Variants in TTC21B observed in about 807,000 individuals in gnomAD.
TTC21B encodes tetratricopeptide repeat protein 21B.
TTC21B carries 127 observed loss-of-function variants against 175.1 expected under a neutral mutation model. The observed-to-expected ratio is 0.73, with a 90% CI of 0.63 to 0.84. The LOEUF is 0.84. Among genes scored for constraint, TTC21B ranks in the 40% least tolerant of loss-of-function variants. The pLI is 0.00. For synonymous variants in TTC21B, 524 were observed against 524.5 expected, an observed-to-expected ratio of 1.00 and a Z score of 0.01; for missense variants, 1,561 against 1,558.3, an observed-to-expected ratio of 1.00 and a Z score of -0.03.
At chr2:165,933,262 T>C (rs1686979901) in intron 6 of TTC21B, among the ~76,000 whole-genome samples, 3 of 152,204 alleles carry the variant, frequency 2.0e-5, no homozygotes, top group Admixed American at 1.3e-4. Flanking sequence ...TTAATATGTT[T>C]TTAAAAGATA....
rs893528823 is a variant in TTC21B at position 165,907,707 on chromosome 2, G to C, written c.2539C>G (p.Leu847Val). The change falls in exon 19 of 29, where the codon CTT (leucine) becomes GTT (valine). Residue 847 changes from leucine to valine, a missense_variant. By Grantham distance (32) the Leu-to-Val change is conservative. Coordinates refer to ENST00000243344, the MANE Select transcript of TTC21B (RefSeq NM_024753.5). ...LAKVYSKMEK[L>V]GDAITALQQA... is the part of the protein sequence containing the mutation. ...TGTAATGCAGTGATCGCATCACCAAGTTTTTCCATTTTACTATAAACTTTT... is the reference window on the plus strand; with the variant it reads ...TGTAATGCAGTGATCGCATCACCAACTTTTTCCATTTTACTATAAACTTTT... 1 of 1,612,654 alleles carries C rather than the reference G, an allele frequency of 6.2e-7. No individual in the cohort carries two copies. The highest frequency in any genetic ancestry group is 8.5e-7 in the Non-Finnish European group (1 of 1,179,492).
chr2:165,901,937 TAAAA>T (rs79777167), intron 19 of TTC21B, 27 bp from the exon 20 acceptor site: 5 of 1,285,166 alleles, frequency 3.9e-6, no homozygotes, highest in Admixed American at 2.1e-5. Context: ...TAAAAGGGAA[TAAAA>T]AAAAAAAAGG....
Position 165,919,431 on chromosome 2 carries a change from C to T in TTC21B, c.1519G>A (p.Asp507Asn). 6.2e-7 allele frequency: 1 copy of T among 1,613,846 alleles called. No individual in the cohort carries two copies. The highest frequency in any genetic ancestry group is 8.5e-7 in the Non-Finnish European group (1 of 1,179,824). ...AGGTTATTGAAAGCTGCTTCAATATCACCTAATAAGAAAAACAATGCATTG... is the reference window on the plus strand; with the variant it reads ...AGGTTATTGAAAGCTGCTTCAATATTACCTAATAAGAAAAACAATGCATTG... ...LIAKVKYLSG[D>N]IEAAFNNLQH... Residue 507 changes from aspartate (D) to asparagine (N), a missense_variant and splice_region_variant, in exon 13 of 29, where the codon GAT (aspartate) becomes AAT (asparagine). Coordinates refer to ENST00000243344, the MANE Select transcript of TTC21B (RefSeq NM_024753.5).
chr2:165,918,496 T>C lies in TTC21B; in HGVS notation c.1674+780A>G, dbSNP rs200760642. ...ATTTTTAGTAGCGACGGGTTTTCAC[T>C]GTGTTAGCCAGGATGGTCTCGATCT... On this transcript the variant is annotated intron_variant, in intron 13 of 28. Transcript: ENST00000243344. Among the ~76,000 whole-genome samples, 16 of 152,066 alleles carry C rather than the reference T, an allele frequency of 1.1e-4. No homozygotes were observed. The East Asian group carries it at 1.4e-3, about 13-fold the overall frequency.
At chr2:165,932,677 TC>T (rs1298991596) in intron 7 of TTC21B, among the ~76,000 whole-genome samples, 1 of 152,082 alleles carries the variant, frequency 6.6e-6, no homozygotes, top group East Asian at 1.9e-4. Flanking sequence ...GTTACATTAA[TC>T]ATATATATTA....
intron 11 of TTC21B, among the ~76,000 whole-genome samples, chr2:165,926,612 T>G (rs1022048467): frequency 6.6e-6 from 1 of 152,114 alleles, no homozygotes; most frequent in Non-Finnish European, 1.5e-5. Context: ...TACTGAAGGA[T>G]GCAAAGTCTT....
intron 1 of TTC21B, among the ~76,000 whole-genome samples, chr2:165,950,070 T>TA (rs769740344): frequency 0.73 from 94,487 of 128,826 alleles, 35,837 homozygotes; most frequent in Non-Finnish European, 0.85. Flanking sequence ...AAACAGGAAC[T>TA]AAAAAAAAAA....
chr2:165,919,219 T>C (rs1405297071), intron 13 of TTC21B, 57 bp downstream of exon 13: 2 of 1,579,254 alleles, frequency 1.3e-6, no homozygotes, highest in African/African-American at 2.7e-5. Context: ...AATACTTGAA[T>C]ATGTAAGCTT....
At chr2:165,896,750 T>C (rs1299532061) in intron 22 of TTC21B, among the ~76,000 whole-genome samples, 1 of 152,242 alleles carries the variant, frequency 6.6e-6, no homozygotes, top group Non-Finnish European at 1.5e-5. Context: ...GGCTTTTGCC[T>C]ACCTAGTTTC....
chr2:165,888,141 G>T, intron 25 of TTC21B, 138 bp downstream of exon 25: 1 of 677,632 alleles, frequency 1.5e-6, no homozygotes, highest in Non-Finnish European at 2.6e-6. Flanking sequence ...CATTGTGTAT[G>T]CCCAACTATA....
intron 27 of TTC21B, among the ~76,000 whole-genome samples, chr2:165,880,457 G>A (rs1034512869): frequency 1.3e-5 from 2 of 152,126 alleles, no homozygotes; most frequent in South Asian, 2.1e-4. Flanking sequence ...TAGACTAGAT[G>A]TACACTAAGT....
rs541682013 is a variant in TTC21B at position 165,890,797 on chromosome 2, GA to G, written c.3101+40del. 1.2e-4 allele frequency: 191 copies of G among 1,578,232 alleles called. 1 individual carries two copies. Among genetic ancestry groups the G allele is most frequent in the African/African-American group, 6.3e-4 (46 of 73,182 alleles). On this transcript the variant is annotated intron_variant, in intron 23 of 28. Coordinates refer to ENST00000243344, the MANE Select transcript of TTC21B (RefSeq NM_024753.5). The stretch of plus-strand genomic sequence containing the variant: ...GCTTATTCTACTTGATTTACAATGA[GA>G]AAAAAAAATCATGTAGCATTTATTT...
At chr2:165,938,599 T>C (rs1322263823) in intron 6 of TTC21B, among the ~76,000 whole-genome samples, 1 of 152,040 alleles carries the variant, frequency 6.6e-6, no homozygotes, top group African/African-American at 2.4e-5. Flanking sequence ...TACTACACCA[T>C]GGCAGACAAA....
chr2:165,951,664 C>T (rs541536381), intron 1 of TTC21B, among the ~76,000 whole-genome samples: 52 of 152,214 alleles, frequency 3.4e-4, no homozygotes, highest in African/African-American at 1.1e-3. Flanking sequence ...TTATTCAATC[C>T]AAAACATTTA....
intron 25 of TTC21B, among the ~76,000 whole-genome samples, chr2:165,884,791 T>C (rs574573385): frequency 1.4e-4 from 22 of 152,324 alleles, no homozygotes; most frequent in African/African-American, 5.3e-4. Context: ...CTAACTTTCA[T>C]AAGCAATAAT....
intron 18 of TTC21B, among the ~76,000 whole-genome samples, chr2:165,909,970 T>TG (rs1266261721): frequency 6.6e-6 from 1 of 152,098 alleles, no homozygotes; most frequent in East Asian, 1.9e-4. Flanking sequence ...GAGGCAAAGA[T>TG]GGGGGCAGGG....
intron 18 of TTC21B, among the ~76,000 whole-genome samples, chr2:165,908,043 AAC>A (rs1685801732): frequency 6.6e-6 from 1 of 152,210 alleles, no homozygotes; most frequent in Non-Finnish European, 1.5e-5. Context: ...ATTAGGAGAT[AAC>A]AATTTAACAC....
rs1451230586 is a variant in TTC21B at position 165,927,319 on chromosome 2, TA to T, written c.1386+1815del. ...TTATATATATATATTATATATTATA[TA>T]ATATATATATAATATATAATATATA... On this transcript the variant is annotated intron_variant, in intron 11 of 28. Transcript: ENST00000243344. Among the ~76,000 whole-genome samples, 385 of 56,450 alleles carry T rather than the reference TA, an allele frequency of 6.8e-3. 22 individuals carry two copies. The highest frequency in any genetic ancestry group is 0.014 in the Non-Finnish European group (316 of 22,736). 37.0% of individuals were successfully genotyped at this position (56,450 alleles called of 152,430 possible). A position where few individuals can be genotyped will look rare whatever the true frequency, so the allele number is the denominator to read the frequency against.
chr2:165,911,523 A>T, intron 17 of TTC21B, 58 bp from the exon 18 acceptor site: 1 of 1,599,612 alleles, frequency 6.3e-7, no homozygotes, highest in Non-Finnish European at 8.6e-7. Flanking sequence ...ATTCAAGCAG[A>T]GCTATTTAAT....
Sources: allele counts gnomAD v4.1 joint callset (sites outside exome capture counted in the v4.1 genomes callset), GRCh38; gene constraint gnomAD v4.1.1; transcripts MANE v1.5; gene names NCBI Gene and HGNC (gene_info 2026-07-23, HGNC 2026-07-21).